PCDHGB5: variants seen among roughly 807,000 people sequenced by gnomAD.
PCDHGB5 encodes protocadherin gamma-B5.
PCDHGB5 carries 48 observed loss-of-function variants against 62.9 expected under a neutral mutation model. That is an observed-to-expected ratio of 0.76 (90% CI 0.61 to 0.97). The LOEUF is 0.97. Among genes scored for constraint, PCDHGB5 ranks in the 50% least tolerant of loss-of-function variants. The probability of loss-of-function intolerance (pLI) is 0.00; values close to 1 mark genes in which losing one functional copy is unlikely to be tolerated. For synonymous variants in PCDHGB5, 474 were observed against 511.2 expected (o/e 0.93, Z 0.98); for missense variants, 1,118 against 1,198.6 (o/e 0.93, Z 0.99).
chr5:141,408,125 C>T, intron 1 of PCDHGB5: 1 of 1,478,650 alleles, frequency 6.8e-7, no homozygotes, highest in South Asian at 1.4e-5. Context: ...CTGTCCTGGG[C>T]CGAATGCTCT....
At chr5:141,438,627 TATATATATAC>T (rs572501359) in intron 1 of PCDHGB5, among the ~76,000 whole-genome samples, 778 of 47,938 alleles carry the variant, frequency 0.016, 4 homozygotes, top group East Asian at 0.059. Context: ...TATATATATA[TATATATATAC>T]ACACACACAC....
At chr5:141,423,362 T>G (rs1419859253) in intron 1 of PCDHGB5, 1 of 1,614,112 alleles carries the variant, frequency 6.2e-7, no homozygotes, top group African/African-American at 1.3e-5. Flanking sequence ...GTCATCGTGC[T>G]GCTGGCACTC....
rs1267617024 is a variant in PCDHGB5 at position 141,476,542 on chromosome 5, G to T, written c.2398-18265G>T. The T allele has an allele frequency of 6.2e-7, 1 of 1,614,210 alleles. No individual in the cohort carries two copies. The highest frequency in any genetic ancestry group is 1.7e-5 in the Admixed American group (1 of 60,036). On this transcript the variant is annotated intron_variant, in intron 1 of 3. Transcript: ENST00000617380. This position sits in a 1 kb window ranked among gnomAD's most constrained non-coding sequence, Gnocchi z 7.6. ...CTTTCCCTACCCAGGAAATGAAATT[G>T]GAGATTAGCGAGGCCGTGGCTCCGG...
chr5:141,409,904 G>T lies in PCDHGB5; in HGVS notation c.2397+9380G>T, dbSNP rs757396196. 10 of 1,613,278 alleles carry T rather than the reference G, an allele frequency of 6.2e-6. No homozygotes were observed. The South Asian group carries it at 1.1e-4, about 18-fold the overall frequency. On this transcript the variant is annotated intron_variant, in intron 1 of 3. Coordinates refer to ENST00000617380, the MANE Select transcript of PCDHGB5 (RefSeq NM_018925.3). ...ACCGCGGGTGCTGTACCCAGCTCTGGGTCCTGACGGCTCCGCGTTCTTCGA... is the reference window on the plus strand; with the variant it reads ...ACCGCGGGTGCTGTACCCAGCTCTGTGTCCTGACGGCTCCGCGTTCTTCGA...
At chr5:141,418,441 A>T in intron 1 of PCDHGB5, 2 of 1,614,000 alleles carry the variant, frequency 1.2e-6, no homozygotes, top group East Asian at 4.5e-5. Flanking sequence ...ATCCAGAATT[A>T]GTATTGCAGA....
chr5:141,472,200 C>A (rs2099274166), intron 1 of PCDHGB5, among the ~76,000 whole-genome samples: 1 of 152,110 alleles, frequency 6.6e-6, no homozygotes, highest in Non-Finnish European at 1.5e-5. Flanking sequence ...ATCTTTTTGA[C>A]ACTAAGACCT....
At chr5:141,481,722 G>A (rs546676646) in intron 1 of PCDHGB5, among the ~76,000 whole-genome samples, 1 of 152,214 alleles carries the variant, frequency 6.6e-6, no homozygotes, top group African/African-American at 2.4e-5. Flanking sequence ...GGGAGGCGGA[G>A]GCGGGCGGAT....
intron 1 of PCDHGB5, among the ~76,000 whole-genome samples, chr5:141,459,544 T>G (rs772982634): frequency 6.6e-6 from 1 of 152,246 alleles, no homozygotes; most frequent in Non-Finnish European, 1.5e-5. Flanking sequence ...TTTTTTTTAT[T>G]TCTCTTGGAT....
In PCDHGB5 at chr5:141,432,654, T is replaced by C. The variant is rs2097525297; in HGVS notation, c.2397+32130T>C. ...GGCGAGGTGCGCACGGCGCGAGCCC[T>C]GCTGGACAGAGACGCGCTCAAGCAG... is the stretch of plus-strand genomic sequence containing the variant. On this transcript the variant is annotated intron_variant, in intron 1 of 3. Transcript: ENST00000617380. This position sits in a 1 kb window ranked among gnomAD's most constrained non-coding sequence, Gnocchi z 6.0. The C allele has an allele frequency of 1.2e-6, 2 of 1,613,816 alleles. No homozygotes were observed. Among genetic ancestry groups the C allele is most frequent in the African/African-American group, 1.3e-5 (1 of 75,034 alleles).
intron 1 of PCDHGB5, chr5:141,424,031 T>G (rs2096796228): frequency 1.9e-6 from 2 of 1,036,050 alleles, no homozygotes; most frequent in African/African-American, 3.4e-5. Flanking sequence ...AAACACTTTT[T>G]ATTTCCATTT....
intron 1 of PCDHGB5, among the ~76,000 whole-genome samples, chr5:141,460,804 T>C (rs2098998238): frequency 1.3e-5 from 2 of 152,020 alleles, no homozygotes; most frequent in African/African-American, 4.8e-5. Flanking sequence ...AGTATATATA[T>C]GTATGTATAC....
chr5:141,460,614 G>A (rs10058360), intron 1 of PCDHGB5, among the ~76,000 whole-genome samples: 42,418 of 151,914 alleles, frequency 0.28, 6,648 homozygotes, highest in African/African-American at 0.43. Flanking sequence ...TAGATGGATA[G>A]ATAGACAGAT....
intron 1 of PCDHGB5, chr5:141,409,439 G>C: frequency 6.2e-7 from 1 of 1,613,998 alleles, no homozygotes; most frequent in Non-Finnish European, 8.5e-7. Flanking sequence ...CCTGGACCGA[G>C]AGCAGACACC....
In PCDHGB5 at chr5:141,463,518, G is replaced by A. The variant is rs537466389; in HGVS notation, c.2398-31289G>A. 5.7e-5 allele frequency among the ~76,000 whole-genome samples: 8 copies of A among 139,140 alleles called. No individual in the cohort carries two copies. The East Asian group carries it at 1.3e-3, about 22-fold the overall frequency. The allele number at this position is 139,140 out of a possible 152,430, so 91.3% of individuals were successfully genotyped here. On this transcript the variant is annotated intron_variant, in intron 1 of 3. Coordinates refer to ENST00000617380, the MANE Select transcript of PCDHGB5 (RefSeq NM_018925.3). The stretch of plus-strand genomic sequence containing the variant: ...GGCTGGAGTGACGTGGCGTGATCTC[G>A]GCTTACTAGAAACTCCGGCTCCCGG...
intron 2 of PCDHGB5, among the ~76,000 whole-genome samples, chr5:141,502,908 C>G (rs1398336138): frequency 1.5e-5 from 2 of 132,418 alleles, no homozygotes; most frequent in Non-Finnish European, 3.0e-5. Flanking sequence ...TGTTGCCAGG[C>G]TGGAGTGCAG....
intron 1 of PCDHGB5, chr5:141,428,344 G>C (rs970552377): frequency 8.4e-6 from 5 of 596,498 alleles, no homozygotes; most frequent in Non-Finnish European, 1.5e-5. Context: ...CTTCTTCCTC[G>C]CAGTGATTTT....
chr5:141,441,517 G>A (rs1316654534), intron 1 of PCDHGB5: 1 of 172,138 alleles, frequency 5.8e-6, no homozygotes, highest in South Asian at 1.3e-4. Flanking sequence ...CGTCGTCCAC[G>A]TGGCCAAGAA....
rs560582745 is a variant in PCDHGB5 at position 141,399,792 on chromosome 5, A to C, written c.1665A>C (p.Ala555=). Residue 555 remains alanine (A), a synonymous_variant, in exon 1 of 4, where the codon GCA becomes GCC. Transcript: ENST00000617380. ...TGGTGGGCGACCGAAACGACAACGCACCGCGGGTGCTGTACCCCGCGCTGG... is the reference window on the plus strand; with the variant it reads ...TGGTGGGCGACCGAAACGACAACGCCCCGCGGGTGCTGTACCCCGCGCTGG... The part of the protein sequence containing the change: ...RVLVGDRNDN[A]PRVLYPALGP... 8 of 1,613,146 alleles carry C rather than the reference A, an allele frequency of 5.0e-6. No homozygotes were observed. The South Asian group carries it at 8.8e-5, about 18-fold the overall frequency.
chr5:141,507,613 T>G (rs1003099044), intron 3 of PCDHGB5, among the ~76,000 whole-genome samples: 1 of 152,248 alleles, frequency 6.6e-6, no homozygotes, highest in African/African-American at 2.4e-5. Context: ...ACAGGTATAT[T>G]TAGCTGTTGT....
Sources: gnomAD v4.1 joint callset for allele counts (sites outside exome capture counted in the v4.1 genomes callset) on GRCh38, gnomAD v4.1.1 for gene constraint, Gnocchi (gnomAD v3.1) non-coding constraint, MANE v1.5 for transcripts, NCBI Gene and HGNC (gene_info 2026-07-23, HGNC 2026-07-21) for gene names.